TMBIM4: variants seen among roughly 807,000 people sequenced by gnomAD.
TMBIM4 encodes the protein transmembrane BAX inhibitor motif containing 4.
In TMBIM4, 28 loss-of-function variants were observed where a neutral mutation model predicts 27.7. The observed-to-expected ratio is 1.01, with a 90% CI of 0.75 to 1.38. TMBIM4 has a LOEUF of 1.38. Among genes scored for constraint, TMBIM4 ranks in the 40% most tolerant of loss-of-function variants. The pLI, the probability that TMBIM4 is intolerant of heterozygous loss-of-function variation, is 0.00. For missense variants in TMBIM4, 265 were observed against 277.5 expected (o/e 0.95, Z 0.32); for synonymous variants, 115 against 113.1 (o/e 1.02, Z -0.11).
rs2052209115 is a variant in TMBIM4 at position 66,169,941 on chromosome 12, G to C, written c.11C>G (p.Pro4Arg). The C allele has an allele frequency of 6.7e-7, 1 of 1,496,596 alleles. No individual in the cohort carries two copies. Among genetic ancestry groups the C allele is most frequent in the African/African-American group, 1.5e-5 (1 of 68,432 alleles). The allele number at this position is 1,496,596 out of a possible 1,614,324, so 92.7% of individuals were successfully genotyped here. A position where few individuals can be genotyped will look rare whatever the true frequency, so the allele number is the denominator to read the frequency against. Residue 4 changes from proline to arginine, a missense_variant, in exon 1 of 7, where the codon CCC becomes CGC. Transcript: ENST00000358230. ...CGAGGAGCGAGGGTACCGGGGGTCG[G>C]GGTCAGCCATGATGGCAACAGCACC... is the stretch of plus-strand genomic sequence containing the variant. MADPDPRYPRSSIE... is the reference protein window; with the variant it reads MADRDPRYPRSSIE...
At chr12:66,143,270 C>T (rs948239650) in intron 5 of TMBIM4, among the ~76,000 whole-genome samples, 1 of 152,150 alleles carries the variant, frequency 6.6e-6, no homozygotes, top group East Asian at 1.9e-4. Flanking sequence ...TAAGATATAC[C>T]ATGGACATAG....
chr12:66,145,718 A>T, intron 5 of TMBIM4, 123 bp downstream of exon 5: 1 of 566,544 alleles, frequency 1.8e-6, no homozygotes, highest in Non-Finnish European at 3.2e-6. Flanking sequence ...CAAAGAGATG[A>T]TCTCTTATTA....
intron 1 of TMBIM4, chr12:66,169,500 C>G (rs1230889886): frequency 2.1e-6 from 1 of 487,580 alleles, no homozygotes; most frequent in African/African-American, 2.0e-5. Context: ...TCAACCGACT[C>G]ATTTCCACGA....
chr12:66,166,909 A>G (rs960453775), intron 1 of TMBIM4, among the ~76,000 whole-genome samples: 3 of 152,248 alleles, frequency 2.0e-5, no homozygotes, highest in Admixed American at 6.5e-5. Context: ...CAGTAGGTGA[A>G]TGAATAAACT....
At chr12:66,151,734 A>G (rs578236205) in intron 3 of TMBIM4, among the ~76,000 whole-genome samples, 10 of 152,360 alleles carry the variant, frequency 6.6e-5, no homozygotes, top group African/African-American at 2.4e-4. Context: ...CTCAACATAC[A>G]TGACTTAAAG....
rs530605444 is a variant in TMBIM4 at position 66,137,974 on chromosome 12, C to T, written c.703G>A (p.Val235Ile). Residue 235 changes from valine to isoleucine, a missense_variant, in exon 7 of 7, where the codon GTT becomes ATT. By Grantham distance (29) the Val-to-Ile change is conservative. Transcript: ENST00000358230. ...GATACTTTTAATTACTTTTTATTAACTGCTTCCAGAAACCGTAACAGGTGC... is the reference window on the plus strand; with the variant it reads ...GATACTTTTAATTACTTTTTATTAATTGCTTCCAGAAACCGTAACAGGTGC... ...FLHLLRFLEA[V>I]NKK 2 of 1,612,444 alleles carry T rather than the reference C, an allele frequency of 1.2e-6. No individual in the cohort carries two copies. The highest frequency in any genetic ancestry group is 1.3e-5 in the African/African-American group (1 of 74,880).
At chr12:66,156,078 A>C (rs116506941) in intron 1 of TMBIM4, among the ~76,000 whole-genome samples, 1,747 of 152,370 alleles carry the variant, frequency 0.011, 12 homozygotes, top group Middle Eastern at 0.044. Flanking sequence ...GCCAAATCCC[A>C]GGCAAAAGCA....
intron 1 of TMBIM4, among the ~76,000 whole-genome samples, chr12:66,158,644 CA>C (rs71434101): frequency 0.021 from 2,288 of 109,316 alleles, 27 homozygotes; most frequent in Middle Eastern, 0.022. Flanking sequence ...GACTCTGTCT[CA>C]AAAAAAAAAA....
At chr12:66,143,657 T>G (rs2051705034) in intron 5 of TMBIM4, among the ~76,000 whole-genome samples, 1 of 152,150 alleles carries the variant, frequency 6.6e-6, no homozygotes, top group South Asian at 2.1e-4. Flanking sequence ...CAGCTTTAAG[T>G]CAATCTATGA....
intron 5 of TMBIM4, among the ~76,000 whole-genome samples, chr12:66,139,436 A>G (rs1401703160): frequency 6.6e-6 from 1 of 152,184 alleles, no homozygotes; most frequent in African/African-American, 2.4e-5. Context: ...AATATATGAA[A>G]CAACAGTTCT....
chr12:66,142,366 G>A (rs1228914467), intron 5 of TMBIM4, among the ~76,000 whole-genome samples: 1 of 150,628 alleles, frequency 6.6e-6, no homozygotes, highest in Non-Finnish European at 1.5e-5. Flanking sequence ...CATGGGGTAT[G>A]GGGAAGGTGA....
chr12:66,143,873 A>C (rs1389328927), intron 5 of TMBIM4, among the ~76,000 whole-genome samples: 2 of 152,208 alleles, frequency 1.3e-5, no homozygotes, highest in Non-Finnish European at 2.9e-5. Flanking sequence ...CGTCACAGTA[A>C]GTAGTGCCAT....
Position 66,160,091 on chromosome 12 carries a change from G to A in TMBIM4, c.98-6643C>T, listed in dbSNP as rs572154395. 2.7e-5 allele frequency: 18 copies of A among 659,478 alleles called. No individual in the cohort carries two copies. In the East Asian group the frequency reaches 3.3e-4, roughly 12 times the overall value. 40.9% of individuals were successfully genotyped at this position (659,478 alleles called of 1,614,324 possible). Reference sequence around the variant, plus strand: ...ACTCACTTACATATCCTCTACAACTGCTTTTGCACAATGGCAGAGTTGAGG... The same window carrying A: ...ACTCACTTACATATCCTCTACAACTACTTTTGCACAATGGCAGAGTTGAGG... On this transcript the variant is annotated intron_variant, in intron 1 of 6. Transcript: ENST00000358230.
At chr12:66,148,645 A>G (rs564134209) in intron 3 of TMBIM4, among the ~76,000 whole-genome samples, 1 of 152,316 alleles carries the variant, frequency 6.6e-6, no homozygotes, top group East Asian at 1.9e-4. Context: ...TCTATCATAT[A>G]CCACTCTAGG....
chr12:66,153,321 T>C lies in TMBIM4; in HGVS notation c.206+19A>G, dbSNP rs1352434974. 2 of 1,356,474 alleles carry C rather than the reference T, an allele frequency of 1.5e-6. No homozygotes were observed. Among genetic ancestry groups the C allele is most frequent in the South Asian group, 2.5e-5 (2 of 78,924 alleles). 84.0% of individuals were successfully genotyped at this position (1,356,474 alleles called of 1,614,324 possible). A position where few individuals can be genotyped will look rare whatever the true frequency, so the allele number is the denominator to read the frequency against. ...TATGCAATGTCTGAAAATTATTCAT[T>C]ACCATCTCATTACCTTACCTCTCAT... is the stretch of plus-strand genomic sequence containing the variant. On this transcript the variant is annotated intron_variant, in intron 2 of 6. Transcript: ENST00000358230.
Position 66,138,020 on chromosome 12 carries a change from C to G in TMBIM4, c.657G>C (p.Leu219Phe), listed in dbSNP as rs1158877488. Residue 219 changes from leucine to phenylalanine, a missense_variant, in exon 7 of 7, where the codon TTG becomes TTC. Physicochemically the swap from Leu to Phe is conservative, Grantham distance 22 (BLOSUM62 0). Transcript: ENST00000358230. ...EYVLAAISLY[L>F]DIINLFLHLL... is the part of the protein sequence containing the mutation. Reference sequence around the variant, plus strand: ...GGTGCAGGAATAGATTGATGATATCCAAGTAGAGGCTGATGGCAGCTAATA... The same window carrying G: ...GGTGCAGGAATAGATTGATGATATCGAAGTAGAGGCTGATGGCAGCTAATA... The G allele has an allele frequency of 1.2e-6, 2 of 1,613,580 alleles. No homozygotes were observed. The highest frequency in any genetic ancestry group is 1.3e-5 in the African/African-American group (1 of 74,758).
At chr12:66,160,382 G>C in intron 1 of TMBIM4, 1 of 576,552 alleles carries the variant, frequency 1.7e-6, no homozygotes, top group Non-Finnish European at 3.1e-6. Context: ...TTATAGTAAA[G>C]TCATAATGGA....
In TMBIM4 at chr12:66,152,375, G is replaced by C. The variant is rs1465685928; in HGVS notation, c.208C>G (p.Pro70Ala). 6.2e-7 allele frequency: 1 copy of C among 1,600,440 alleles called. No individual in the cohort carries two copies. The highest frequency in any genetic ancestry group is 8.5e-7 in the Non-Finnish European group (1 of 1,171,208). ...AGGGCAAACAGCAAAATTAAGGCAG[G>C]ACTGAAAGACATAATATTAAGTGTT... ...ESVRTFVHES[P>A]ALILLFALGS... Residue 70 changes from proline (P) to alanine (A), a missense_variant and splice_region_variant, in exon 3 of 7, where the codon CCT becomes GCT. Transcript: ENST00000358230.
intron 1 of TMBIM4, among the ~76,000 whole-genome samples, chr12:66,155,433 G>C (rs928964273): frequency 7.3e-5 from 11 of 151,584 alleles, no homozygotes; most frequent in Non-Finnish European, 1.3e-4. Flanking sequence ...CCAATCTCCA[G>C]GGCTCAAGCA....
Sources: gnomAD v4.1 joint callset for allele counts (sites outside exome capture counted in the v4.1 genomes callset) on GRCh38, gnomAD v4.1.1 for gene constraint, MANE v1.5 for transcripts, NCBI Gene and HGNC (gene_info 2026-07-23, HGNC 2026-07-21) for gene names.